The following KIF25 variants were observed in gnomAD, a reference collection of about 807,000 sequenced individuals.
The protein encoded by KIF25 is kinesin-like protein KIF25.
In KIF25, 19 loss-of-function variants were observed where a neutral mutation model predicts 32.9. The ratio of observed to expected loss-of-function variants is 0.58; its 90% CI spans 0.40 to 0.85. The LOEUF (loss-of-function observed/expected upper bound fraction) is 0.85, where lower values mean the gene tolerates loss of function less well. Ranked by LOEUF, KIF25 falls within the 40% of genes least tolerant of loss-of-function variation. KIF25 has a pLI of 0.00. For synonymous variants in KIF25, 225 were observed against 213.7 expected, an observed-to-expected ratio of 1.05 and a Z score of -0.46; for missense variants, 485 against 507.0, an observed-to-expected ratio of 0.96 and a Z score of 0.42.
intron 2 of KIF25, among the ~76,000 whole-genome samples, chr6:167,999,875 C>T (rs1798472843): frequency 6.6e-6 from 1 of 152,090 alleles, no homozygotes; most frequent in South Asian, 2.1e-4. Flanking sequence ...CCCCATGAAA[C>T]AAACCCCCTG....
At chr6:168,027,200 C>A (rs1798872228) in intron 5 of KIF25, among the ~76,000 whole-genome samples, 1 of 152,060 alleles carries the variant, frequency 6.6e-6, no homozygotes, top group Admixed American at 6.6e-5. Context: ...CGCCTGTAAT[C>A]CTAGCACTTT....
At position 168,044,830 on chromosome 6, in the gene KIF25, G is replaced by T. The variant is rs112707570; in HGVS notation, c.989G>T (p.Gly330Val). 2,187 of 1,581,590 alleles carry T rather than the reference G, an allele frequency of 1.4e-3. 30 individuals carry two copies. In the African/African-American group the frequency reaches 0.026, roughly 18 times the overall value. The change falls in exon 13 of 13, where the codon GGC (glycine) becomes GTC (valine). Residue 330 changes from glycine (G) to valine (V), a missense_variant. Gly to Val is a moderately radical substitution (Grantham distance 109). Transcript: ENST00000643607. ...ATGTTGTTTTTCTATTTTAAAGGAG[G>T]CGATGCGAAGTTACTGGTGATTCTC... Reference protein sequence around the residue: ...LTHLLQDCLGGDAKLLVILCI... With the variant: ...LTHLLQDCLGVDAKLLVILCI...
At position 168,042,701 on chromosome 6, in the gene KIF25, C is replaced by T. The variant is rs759904580; in HGVS notation, c.970C>T (p.Leu324Phe). The T allele has an allele frequency of 6.2e-7, 1 of 1,611,796 alleles. No individual in the cohort carries two copies. The highest frequency in any genetic ancestry group is 2.2e-5 in the East Asian group (1 of 44,870). The change falls in exon 12 of 13, where the codon CTT becomes TTT. Residue 324 changes from leucine to phenylalanine, a missense_variant. This residue lies in a region of KIF25 where 480 missense variants were observed against 470.3 expected (regional missense o/e 1.02). Transcript: ENST00000643607. Reference sequence around the variant, plus strand: ...CCGGAACAGCAGGCTCACCCACCTCCTTCAGGACTGCCTCGGTAACCGTTT... The same window carrying T: ...CCGGAACAGCAGGCTCACCCACCTCTTTCAGGACTGCCTCGGTAACCGTTT... ...PYRNSRLTHLLQDCLGGDAKL... is the reference protein window; with the variant it reads ...PYRNSRLTHLFQDCLGGDAKL...
At chr6:167,999,052 A>G (rs1301250682) in intron 1 of KIF25, 40 bp from the exon 2 acceptor site, 2 of 152,266 alleles carry the variant, frequency 1.3e-5, no homozygotes, top group African/African-American at 2.4e-5. Context: ...ACTCTGGCTC[A>G]AAAAATAAAT....
At chr6:168,018,252 A>G (rs985118847) in intron 5 of KIF25, among the ~76,000 whole-genome samples, 1 of 152,224 alleles carries the variant, frequency 6.6e-6, no homozygotes, top group Non-Finnish European at 1.5e-5. Context: ...AGTGCCCATT[A>G]CAACCCTTCT....
At chr6:168,022,770 T>G (rs1421495127) in intron 5 of KIF25, among the ~76,000 whole-genome samples, 3 of 80,412 alleles carry the variant, frequency 3.7e-5, no homozygotes, top group Non-Finnish European at 5.3e-5. Flanking sequence ...TTGTTGTTGT[T>G]TTTTTTTTTT....
chr6:168,025,072 A>G lies in KIF25; in HGVS notation c.-94-4420A>G, dbSNP rs76223671. ...TCTTCAAAAAAACGAAAAAGAAAGA[A>G]AGGAATGTTTGGAATGGAACAGGGT... On this transcript the variant is annotated intron_variant, in intron 5 of 12. Transcript: ENST00000643607. Among the ~76,000 whole-genome samples, 236 of 152,196 alleles carry G rather than the reference A, an allele frequency of 1.6e-3. 1 individual carries two copies. The highest frequency in any genetic ancestry group is 5.5e-3 in the African/African-American group (228 of 41,536).
At chr6:168,000,431 C>T (rs1309374488) in intron 2 of KIF25, among the ~76,000 whole-genome samples, 4 of 125,868 alleles carry the variant, frequency 3.2e-5, no homozygotes, top group East Asian at 2.6e-4. Flanking sequence ...ATCCTGTCTA[C>T]ACCTGACCCT....
At chr6:168,035,447 C>CGGGAACGGCGCTGCGGGGGGGGGG (rs1799005559) in intron 8 of KIF25, among the ~76,000 whole-genome samples, 1 of 128,444 alleles carries the variant, frequency 7.8e-6, no homozygotes, top group Non-Finnish European at 1.7e-5. Context: ...GCGGAGGAGG[C>CGGGAACGGCGCTGCGGGGGGGGGG]GGGAACGGCG....
intron 8 of KIF25, among the ~76,000 whole-genome samples, chr6:168,037,725 A>G (rs570618630): frequency 1.4e-4 from 21 of 152,244 alleles, no homozygotes; most frequent in African/African-American, 5.1e-4. Context: ...TCTTTAAAAC[A>G]TGGAGCAAAA....
At chr6:168,040,302 A>T in intron 10 of KIF25, 86 bp downstream of exon 10, 1 of 1,363,022 alleles carries the variant, frequency 7.3e-7, no homozygotes, top group South Asian at 1.4e-5. Flanking sequence ...ACAGTGGCTC[A>T]CGCCTGTAAT....
intron 5 of KIF25, among the ~76,000 whole-genome samples, chr6:168,025,025 T>C (rs1034122789): frequency 1.3e-5 from 2 of 152,168 alleles, no homozygotes; most frequent in Admixed American, 1.3e-4. Flanking sequence ...CACTCCAGTC[T>C]GGACGACAGA....
At chr6:168,029,424 A>T in intron 5 of KIF25, 68 bp from the exon 6 acceptor site, 1 of 1,112,736 alleles carries the variant, frequency 9.0e-7, no homozygotes, top group Non-Finnish European at 1.3e-6. Flanking sequence ...GTTAAAGAAT[A>T]ACTAACATTC....
At chr6:168,025,445 A>G (rs1226435478) in intron 5 of KIF25, among the ~76,000 whole-genome samples, 1 of 152,116 alleles carries the variant, frequency 6.6e-6, no homozygotes, top group South Asian at 2.1e-4. Flanking sequence ...TTGCATCCCA[A>G]TAAATGAGCA....
At chr6:168,037,454 T>C (rs1345906932) in intron 8 of KIF25, among the ~76,000 whole-genome samples, 2 of 152,080 alleles carry the variant, frequency 1.3e-5, no homozygotes, top group African/African-American at 4.8e-5. Flanking sequence ...CACCATCGGA[T>C]TGACATCACC....
intron 6 of KIF25, 108 bp downstream of exon 6, chr6:168,029,785 T>C (rs1009136338): frequency 1.1e-5 from 16 of 1,405,684 alleles, no homozygotes; most frequent in African/African-American, 1.0e-4. Flanking sequence ...GTGTATTTTC[T>C]GAGTGAAAAG....
At chr6:168,040,022 G>T (rs1318974004) in intron 9 of KIF25, 43 bp from the exon 10 acceptor site, 26 of 1,577,500 alleles carry the variant, frequency 1.6e-5, no homozygotes, top group Middle Eastern at 2.1e-4. Context: ...TAGGTAAGGG[G>T]GGCCGCCCTC....
chr6:168,040,718 A>C (rs111908107), intron 10 of KIF25, among the ~76,000 whole-genome samples: 27 of 152,344 alleles, frequency 1.8e-4, no homozygotes, highest in African/African-American at 6.3e-4. Flanking sequence ...GAGAAGAAAA[A>C]GTGAGAGTGG....
At chr6:168,030,049 C>A (rs931005697) in intron 6 of KIF25, among the ~76,000 whole-genome samples, 3 of 152,228 alleles carry the variant, frequency 2.0e-5, no homozygotes, top group Admixed American at 1.3e-4. Context: ...CAAGTGCAAC[C>A]AACCACCAGT....
Sources: allele counts gnomAD v4.1 joint callset (sites outside exome capture counted in the v4.1 genomes callset), GRCh38; gene constraint gnomAD v4.1.1; regional missense constraint gnomAD v4.1.1; transcripts MANE v1.5; gene names NCBI Gene and HGNC (gene_info 2026-07-23, HGNC 2026-07-21).